The following LRRC4C variants were observed in gnomAD, a reference collection of about 807,000 sequenced individuals.
LRRC4C encodes leucine rich repeat containing 4C.
Under a neutral mutation model 33.6 loss-of-function variants are expected in LRRC4C, and 5 were observed. The ratio of observed to expected loss-of-function variants is 0.15; its 90% CI spans 0.08 to 0.31. LRRC4C has a LOEUF of 0.31. Ranked by LOEUF, LRRC4C falls within the 10% of genes least tolerant of loss-of-function variation. The pLI is 1.00. For synonymous variants in LRRC4C, 329 were observed against 302.0 expected (o/e 1.09, Z -0.93); for missense variants, 560 against 796.7 (o/e 0.70, Z 3.58).
intron 1 of LRRC4C, among the ~76,000 whole-genome samples, chr11:41,197,590 G>T (rs1946234455): frequency 2.6e-5 from 4 of 151,904 alleles, no homozygotes; most frequent in African/African-American, 9.7e-5. Flanking sequence ...GCAAAATATA[G>T]AGATAGAGAT....
chr11:41,447,139 A>G (rs1180817747), intron 1 of LRRC4C, among the ~76,000 whole-genome samples: 1 of 152,200 alleles, frequency 6.6e-6, no homozygotes. Context: ...AAGCTCCTTT[A>G]AAACAGGACT....
rs545260909 is a variant in LRRC4C, at chr11:40,216,086, G to A, written c.-96+25433C>T. Reference sequence around the variant, plus strand: ...CCTAACTTCACTACTGGAGCAAATGGAGCAAATAAGAAAAATAAGAAAGAA... The same window carrying A: ...CCTAACTTCACTACTGGAGCAAATGAAGCAAATAAGAAAAATAAGAAAGAA... On this transcript the variant is annotated intron_variant, in intron 5 of 6. Transcript: ENST00000528697. Among the ~76,000 whole-genome samples the A allele has an allele frequency of 5.9e-5, 9 of 152,186 alleles. No homozygotes were observed. In the South Asian group the frequency reaches 1.9e-3, roughly 32 times the overall value.
At chr11:40,657,042 C>A (rs1282788464) in intron 2 of LRRC4C, among the ~76,000 whole-genome samples, 1 of 151,840 alleles carries the variant, frequency 6.6e-6, no homozygotes, top group Non-Finnish European at 1.5e-5. Flanking sequence ...TCCAAGCTAC[C>A]AAAAAAAGTG....
intron 2 of LRRC4C, among the ~76,000 whole-genome samples, chr11:40,735,267 C>G (rs927879941): frequency 1.3e-5 from 2 of 151,950 alleles, no homozygotes; most frequent in South Asian, 2.1e-4. Flanking sequence ...CCCATTAACT[C>G]GTCATTTAGC....
intron 1 of LRRC4C, among the ~76,000 whole-genome samples, chr11:41,249,336 G>A (rs1948562845): frequency 6.6e-6 from 1 of 152,054 alleles, no homozygotes; most frequent in African/African-American, 2.4e-5. Context: ...GCCCGGCCAA[G>A]ATACTATCTT....
chr11:40,812,537 G>T (rs1163249583), intron 2 of LRRC4C, among the ~76,000 whole-genome samples: 2 of 152,064 alleles, frequency 1.3e-5, no homozygotes, highest in Non-Finnish European at 2.9e-5. Context: ...GATTCTTAAT[G>T]ATTTCCAAAA....
intron 3 of LRRC4C, among the ~76,000 whole-genome samples, chr11:40,410,349 ACTTT>A (rs1416613428): frequency 2.6e-5 from 4 of 152,124 alleles, no homozygotes; most frequent in East Asian, 1.9e-4. Context: ...AAAATATTTT[ACTTT>A]CTTTTTTTGC....
intron 3 of LRRC4C, among the ~76,000 whole-genome samples, chr11:40,495,418 A>G (rs1393191460): frequency 6.6e-6 from 1 of 152,128 alleles, no homozygotes; most frequent in Non-Finnish European, 1.5e-5. Context: ...CACACAAATA[A>G]CCTTTGAGTA....
intron 1 of LRRC4C, among the ~76,000 whole-genome samples, chr11:41,145,306 T>G (rs1943680178): frequency 6.6e-6 from 1 of 152,166 alleles, no homozygotes; most frequent in African/African-American, 2.4e-5. Flanking sequence ...TTTGAGTTTA[T>G]TAGTGAAGCT....
chr11:40,168,566 G>T (rs1859789061), intron 5 of LRRC4C, among the ~76,000 whole-genome samples: 1 of 152,180 alleles, frequency 6.6e-6, no homozygotes, highest in Non-Finnish European at 1.5e-5. Context: ...TAGCAGCACA[G>T]AGCACAAAGG....
At chr11:40,204,551 C>T (rs1032282946) in intron 5 of LRRC4C, among the ~76,000 whole-genome samples, 2 of 152,140 alleles carry the variant, frequency 1.3e-5, no homozygotes, top group Non-Finnish European at 2.9e-5. Flanking sequence ...GACAGCATCG[C>T]TATCTCCCAG....
chr11:41,182,444 CA>C (rs1945493903), intron 1 of LRRC4C, among the ~76,000 whole-genome samples: 1 of 152,154 alleles, frequency 6.6e-6, no homozygotes, highest in Admixed American at 6.6e-5. Context: ...ATTATGTCTT[CA>C]AGTTGAAAAA....
At chr11:40,424,612 C>A (rs1002764928) in intron 3 of LRRC4C, among the ~76,000 whole-genome samples, 1 of 152,160 alleles carries the variant, frequency 6.6e-6, no homozygotes, top group African/African-American at 2.4e-5. Context: ...AAAAGACCAG[C>A]TAAATATCTT....
chr11:40,920,198 T>A (rs1957117389), intron 2 of LRRC4C, among the ~76,000 whole-genome samples: 1 of 152,200 alleles, frequency 6.6e-6, no homozygotes, highest in Non-Finnish European at 1.5e-5. Flanking sequence ...CTAATTATTA[T>A]TCCTTTATTA....
At chr11:41,235,120 C>T (rs1947961922) in intron 1 of LRRC4C, among the ~76,000 whole-genome samples, 1 of 152,026 alleles carries the variant, frequency 6.6e-6, no homozygotes, top group South Asian at 2.1e-4. Flanking sequence ...ATACTCACTA[C>T]TCCTTTTTTA....
intron 2 of LRRC4C, among the ~76,000 whole-genome samples, chr11:40,680,051 C>A (rs1944606769): frequency 6.6e-6 from 1 of 152,150 alleles, no homozygotes; most frequent in African/African-American, 2.4e-5. Flanking sequence ...GGGAACCCAC[C>A]TCTTGTATCA....
intron 1 of LRRC4C, among the ~76,000 whole-genome samples, chr11:41,129,321 T>C (rs968427281): frequency 2.0e-5 from 3 of 151,996 alleles, no homozygotes; most frequent in Non-Finnish European, 2.9e-5. Context: ...CCAAACCCCA[T>C]ATATTGGTGG....
chr11:40,817,574 C>T (rs915530352), intron 2 of LRRC4C, among the ~76,000 whole-genome samples: 3 of 152,162 alleles, frequency 2.0e-5, no homozygotes, highest in East Asian at 1.9e-4. Context: ...GTTACTGGTC[C>T]GTAATATCCC....
chr11:40,297,158 A>C (rs993200250), intron 4 of LRRC4C, among the ~76,000 whole-genome samples: 2 of 152,234 alleles, frequency 1.3e-5, no homozygotes, highest in Non-Finnish European at 2.9e-5. Flanking sequence ...TTAAAAATAA[A>C]AAAGTGAATG....
Sources: allele counts gnomAD v4.1 joint callset (sites outside exome capture counted in the v4.1 genomes callset), GRCh38; gene constraint gnomAD v4.1.1; transcripts MANE v1.5; gene names NCBI Gene and HGNC (gene_info 2026-07-23, HGNC 2026-07-21).